Variants in CFAP52 observed in about 807,000 individuals in gnomAD.
CFAP52 encodes the protein cilia- and flagella-associated protein 52.
CFAP52 carries 57 observed loss-of-function variants against 70.5 expected under a neutral mutation model. The observed-to-expected ratio is 0.81, with a 90% CI of 0.65 to 1.01. CFAP52 has a LOEUF of 1.01. Ranked by LOEUF, CFAP52 falls within the 50% of genes least tolerant of loss-of-function variation. CFAP52 has a pLI of 0.00. For synonymous variants in CFAP52, 267 were observed against 292.5 expected (o/e 0.91, Z 0.89); for missense variants, 785 against 788.5 (o/e 1.00, Z 0.05).
At chr17:9,591,753 C>G (rs1005817613) in intron 3 of CFAP52, among the ~76,000 whole-genome samples, 1 of 152,006 alleles carries the variant, frequency 6.6e-6, no homozygotes, top group African/African-American at 2.4e-5. Flanking sequence ...GTGGTGTGTG[C>G]CTGTAGTCCA....
intron 6 of CFAP52, 55 bp from the exon 7 acceptor site, chr17:9,608,064 T>C (rs892839173): frequency 4.8e-6 from 7 of 1,468,302 alleles, no homozygotes; most frequent in East Asian, 4.6e-5. Context: ...GTACATTCTT[T>C]AGTGGTGATT....
At chr17:9,597,835 GAGAAAGAGAGAGAGAA>G (rs1289605973) in intron 4 of CFAP52, among the ~76,000 whole-genome samples, 9 of 150,396 alleles carry the variant, frequency 6.0e-5, no homozygotes, top group Non-Finnish European at 1.2e-4. Flanking sequence ...GAGAGAAAGA[GAGAAAGAGAGAGAGAA>G]AGAGAGAGAG....
At chr17:9,642,938 T>A in intron 13 of CFAP52, 85 bp from the exon 14 acceptor site, 1 of 1,187,116 alleles carries the variant, frequency 8.4e-7, no homozygotes. Context: ...GGGGACCATG[T>A]TGAAAATGAT....
At chr17:9,578,615 G>T (rs145751336) in intron 1 of CFAP52, among the ~76,000 whole-genome samples, 3,658 of 152,188 alleles carry the variant, frequency 0.024, 56 homozygotes, top group South Asian at 0.035. Flanking sequence ...GCACAATCTC[G>T]GCTCACTGCA....
chr17:9,611,323 T>G (rs1336627694), intron 7 of CFAP52, among the ~76,000 whole-genome samples: 4 of 152,048 alleles, frequency 2.6e-5, no homozygotes, highest in African/African-American at 9.7e-5. Context: ...AACCAACTCC[T>G]TAAGGTTCTG....
chr17:9,586,631 A>G (rs1908496751), intron 2 of CFAP52, 67 bp from the exon 3 acceptor site: 2 of 1,484,514 alleles, frequency 1.3e-6, no homozygotes, highest in African/African-American at 2.9e-5. Flanking sequence ...TTCACCAAGA[A>G]GGGTAGCTAT....
chr17:9,595,402 C>A (rs1312719544), intron 4 of CFAP52, among the ~76,000 whole-genome samples: 1 of 152,044 alleles, frequency 6.6e-6, no homozygotes, highest in African/African-American at 2.4e-5. Flanking sequence ...TTATGAGGAA[C>A]GATTCATTCA....
rs57688684 is a variant in CFAP52, at chr17:9,597,831, A to AGAGAGAG, written c.537-403_537-402insGAGAGAG. Among the ~76,000 whole-genome samples the AGAGAGAG allele has an allele frequency of 6.1e-4, 81 of 131,776 alleles. 1 individual carries two copies. The highest frequency in any genetic ancestry group is 3.1e-3 in the East Asian group (13 of 4,164). The allele number at this position is 131,776 out of a possible 152,430, so 86.5% of individuals were successfully genotyped here. A position where few individuals can be genotyped will look rare whatever the true frequency, so the allele number is the denominator to read the frequency against. On this transcript the variant is annotated intron_variant, in intron 4 of 13. Coordinates refer to ENST00000352665, the MANE Select transcript of CFAP52 (RefSeq NM_145054.5). ...AGAGAGAGAGAGAGAGAGAGAGAGA[A>AGAGAGAG]AGAGAGAAAGAGAGAGAGAAAGAGA...
intron 13 of CFAP52, among the ~76,000 whole-genome samples, chr17:9,642,295 T>C (rs1911103978): frequency 1.3e-5 from 2 of 152,216 alleles, no homozygotes; most frequent in Admixed American, 1.3e-4. Flanking sequence ...ATCATTATCA[T>C]TTCCTGCCAA....
Position 9,628,660 on chromosome 17 carries a change from G to A in CFAP52, c.1026-12G>A. 2 of 1,608,398 alleles carry A rather than the reference G, an allele frequency of 1.2e-6. No individual in the cohort carries two copies. Among genetic ancestry groups the A allele is most frequent in the Non-Finnish European group, 1.7e-6 (2 of 1,175,344 alleles). On this transcript the variant is annotated splice_polypyrimidine_tract_variant and intron_variant, in intron 8 of 13. Transcript: ENST00000352665. Reference sequence around the variant, plus strand: ...TCTTTTATGGTTGCATCTCTTGATGGCTTCCTTGCAGTGGCACTGCTGAGC... The same window carrying A: ...TCTTTTATGGTTGCATCTCTTGATGACTTCCTTGCAGTGGCACTGCTGAGC...
chr17:9,616,191 C>T (rs1175437378), intron 8 of CFAP52, among the ~76,000 whole-genome samples: 4 of 151,130 alleles, frequency 2.6e-5, no homozygotes, highest in East Asian at 2.0e-4. Flanking sequence ...ACCTGGGAAG[C>T]GCAAGGGGTC....
At chr17:9,596,071 A>G (rs866860356) in intron 4 of CFAP52, among the ~76,000 whole-genome samples, 2,498 of 128,448 alleles carry the variant, frequency 0.019, 102 homozygotes, top group East Asian at 0.09. Flanking sequence ...ATATATATAT[A>G]TATATATATA....
intron 2 of CFAP52, among the ~76,000 whole-genome samples, chr17:9,586,335 G>A (rs367619223): frequency 3.3e-5 from 5 of 152,116 alleles, no homozygotes; most frequent in South Asian, 4.2e-4. Flanking sequence ...AGGCCTAGAC[G>A]GTCGGATCCC....
chr17:9,584,314 G>A, intron 1 of CFAP52: 3 of 1,289,834 alleles, frequency 2.3e-6, no homozygotes, highest in Non-Finnish European at 3.0e-6. Context: ...TGGAGTACGG[G>A]AGTTGCCTGT....
intron 11 of CFAP52, among the ~76,000 whole-genome samples, chr17:9,636,192 AAAG>A (rs200034671): frequency 0.16 from 17,450 of 109,646 alleles, 1,499 homozygotes; most frequent in East Asian, 0.42. Context: ...AGAAAGAAAG[AAAG>A]AAAGAAAGAA....
At chr17:9,584,931 A>C (rs1016343241) in intron 1 of CFAP52, among the ~76,000 whole-genome samples, 1 of 152,186 alleles carries the variant, frequency 6.6e-6, no homozygotes, top group African/African-American at 2.4e-5. Flanking sequence ...CACACAATGT[A>C]ATATTACTTA....
intron 11 of CFAP52, 129 bp from the exon 12 acceptor site, chr17:9,638,480 A>T: frequency 1.4e-6 from 1 of 734,040 alleles, no homozygotes. Flanking sequence ...TTTGCTGAGC[A>T]GTATGAGATG....
rs532917765 is a variant in CFAP52, at chr17:9,607,166, C to T, written c.754-953C>T. On this transcript the variant is annotated intron_variant, in intron 6 of 13. Transcript: ENST00000352665. The stretch of plus-strand genomic sequence containing the variant: ...TTCGAGACCAGCCTGGCCAACATGG[C>T]GAAACCCCATCTCTACTGAAAATAC... Among the ~76,000 whole-genome samples, 20 of 152,124 alleles carry T rather than the reference C, an allele frequency of 1.3e-4. No homozygotes were observed. In the East Asian group the frequency reaches 1.5e-3, roughly 12 times the overall value.
intron 9 of CFAP52, among the ~76,000 whole-genome samples, chr17:9,630,437 T>C (rs985269924): frequency 9.4e-5 from 14 of 149,384 alleles, no homozygotes; most frequent in African/African-American, 3.0e-4. Context: ...TTTTTTTTTT[T>C]TTTTTTTTAA....
Sources: gnomAD v4.1 joint callset for allele counts (sites outside exome capture counted in the v4.1 genomes callset) on GRCh38, gnomAD v4.1.1 for gene constraint, MANE v1.5 for transcripts, NCBI Gene and HGNC (gene_info 2026-07-23, HGNC 2026-07-21) for gene names.